Variants in DLG2 observed in about 807,000 individuals in gnomAD.
DLG2 encodes discs large MAGUK scaffold protein 2.
In DLG2, 45 loss-of-function variants were observed where a neutral mutation model predicts 132.5. The ratio of observed to expected loss-of-function variants is 0.34; its 90% CI spans 0.27 to 0.44. DLG2 has a LOEUF of 0.44. Ranked by LOEUF, DLG2 falls within the 20% of genes least tolerant of loss-of-function variation. DLG2 has a pLI of 1.00. For synonymous variants in DLG2, 424 were observed against 419.6 expected (o/e 1.01, Z -0.13); for missense variants, 1,045 against 1,196.9 (o/e 0.87, Z 1.87).
At chr11:84,807,081 A>C (rs1272173763) in intron 6 of DLG2, among the ~76,000 whole-genome samples, 2 of 152,182 alleles carry the variant, frequency 1.3e-5, no homozygotes, top group East Asian at 3.8e-4. Context: ...AAAATTGTTC[A>C]AGTAACCCAC....
At chr11:83,667,782 A>C (rs2075911670) in intron 18 of DLG2, among the ~76,000 whole-genome samples, 1 of 151,970 alleles carries the variant, frequency 6.6e-6, no homozygotes, top group African/African-American at 2.4e-5. Context: ...GATTGAGACC[A>C]TCCTAGCTAA....
At chr11:85,084,393 G>T (rs1593880576) in intron 6 of DLG2, among the ~76,000 whole-genome samples, 1 of 152,236 alleles carries the variant, frequency 6.6e-6, no homozygotes, top group East Asian at 1.9e-4. Context: ...TTCTTTTCTG[G>T]TTTCTTTTAC....
intron 6 of DLG2, among the ~76,000 whole-genome samples, chr11:84,934,377 A>G (rs1484082173): frequency 6.6e-6 from 1 of 151,848 alleles, no homozygotes; most frequent in Non-Finnish European, 1.5e-5. Context: ...TCAGAATGAT[A>G]CGGGCCTCAC....
At chr11:85,234,816 C>T (rs753195317) in intron 4 of DLG2, among the ~76,000 whole-genome samples, 1 of 151,876 alleles carries the variant, frequency 6.6e-6, no homozygotes, top group Admixed American at 6.6e-5. Context: ...GATAAAATAA[C>T]CTTTTTTATT....
At chr11:85,423,534 G>A (rs775191546) in intron 3 of DLG2, among the ~76,000 whole-genome samples, 2 of 152,160 alleles carry the variant, frequency 1.3e-5, no homozygotes, top group Non-Finnish European at 2.9e-5. Flanking sequence ...GGGTGGGTAG[G>A]GAAGAACCAC....
At chr11:85,512,429 T>C (rs2094094111) in intron 3 of DLG2, among the ~76,000 whole-genome samples, 1 of 152,134 alleles carries the variant, frequency 6.6e-6, no homozygotes, top group South Asian at 2.1e-4. Context: ...TATTTGACTA[T>C]CTTCATCAAA....
rs145582861 is a variant in DLG2, at chr11:85,607,003, C to T, written c.-92-8215G>A. 6.0e-3 allele frequency among the ~76,000 whole-genome samples: 910 copies of T among 152,272 alleles called. 10 individuals are homozygous for T. Among genetic ancestry groups the T allele is most frequent in the African/African-American group, 0.02 (849 of 41,548 alleles). On this transcript the variant is annotated intron_variant, in intron 2 of 27. Transcript: ENST00000376104. ...AGCTTCATTCTTGAAGTCAGAGAGACAAAGAACCCACCAATTCTGGACACA... is the reference window on the plus strand; with the variant it reads ...AGCTTCATTCTTGAAGTCAGAGAGATAAAGAACCCACCAATTCTGGACACA...
chr11:83,638,331 C>T (rs926375382), intron 18 of DLG2, among the ~76,000 whole-genome samples: 4 of 152,092 alleles, frequency 2.6e-5, no homozygotes, highest in Non-Finnish European at 5.9e-5. Context: ...AGTCAAAATC[C>T]TGGTTGTGCC....
chr11:84,448,211 T>C (rs891633368), intron 7 of DLG2, among the ~76,000 whole-genome samples: 7 of 152,228 alleles, frequency 4.6e-5, no homozygotes, highest in Middle Eastern at 6.8e-3. Context: ...CCTGGTATTC[T>C]AGCTATCTCA....
At chr11:84,003,609 G>T (rs953910039) in intron 11 of DLG2, among the ~76,000 whole-genome samples, 11 of 152,182 alleles carry the variant, frequency 7.2e-5, no homozygotes, top group Middle Eastern at 3.4e-3. Flanking sequence ...AAAACCATCA[G>T]ATCTCATGAG....
At chr11:83,830,082 A>C (rs2054042456) in intron 17 of DLG2, among the ~76,000 whole-genome samples, 1 of 152,204 alleles carries the variant, frequency 6.6e-6, no homozygotes, top group South Asian at 2.1e-4. Context: ...GGTGAAATAC[A>C]TTTTGATATA....
chr11:83,919,974 C>A (rs765945722), intron 15 of DLG2, among the ~76,000 whole-genome samples: 39 of 152,148 alleles, frequency 2.6e-4, no homozygotes, highest in Non-Finnish European at 4.0e-4. Context: ...TTATGTTAGG[C>A]AGGTTGCTCA....
intron 7 of DLG2, among the ~76,000 whole-genome samples, chr11:84,324,633 T>C (rs1300009945): frequency 2.0e-5 from 3 of 152,174 alleles, no homozygotes; most frequent in Admixed American, 6.5e-5. Context: ...TTGAGTAATA[T>C]GGACATTTTA....
intron 6 of DLG2, among the ~76,000 whole-genome samples, chr11:84,994,147 A>T (rs1317691296): frequency 6.6e-6 from 1 of 152,170 alleles, no homozygotes; most frequent in African/African-American, 2.4e-5. Context: ...AACATTTGGG[A>T]TTGGTTTGGG....
intron 6 of DLG2, among the ~76,000 whole-genome samples, chr11:84,779,778 G>A (rs1431989372): frequency 1.3e-5 from 2 of 151,958 alleles, no homozygotes; most frequent in Non-Finnish European, 1.5e-5. Context: ...AAAACTTAGA[G>A]GAAATGGATA....
chr11:84,392,461 G>T (rs1376391543), intron 7 of DLG2, among the ~76,000 whole-genome samples: 1 of 152,130 alleles, frequency 6.6e-6, no homozygotes, highest in Non-Finnish European at 1.5e-5. Flanking sequence ...AGAGGTGTAG[G>T]TTAGTATTTG....
chr11:84,093,790 T>G (rs980632784), intron 10 of DLG2, among the ~76,000 whole-genome samples: 2 of 151,796 alleles, frequency 1.3e-5, no homozygotes, highest in Admixed American at 1.3e-4. Flanking sequence ...AATTTTTGTA[T>G]TTTTAGTAGA....
intron 3 of DLG2, among the ~76,000 whole-genome samples, chr11:85,303,740 C>G (rs2079759309): frequency 6.6e-6 from 1 of 152,170 alleles, no homozygotes; most frequent in Non-Finnish European, 1.5e-5. Context: ...CATTAACTAG[C>G]TATCTGGCCT....
chr11:84,124,641 C>G (rs1040523542), intron 9 of DLG2, among the ~76,000 whole-genome samples: 2 of 152,090 alleles, frequency 1.3e-5, no homozygotes, highest in East Asian at 1.9e-4. Context: ...AGCAGTCCCA[C>G]ACGGTACATG....
Sources: gnomAD v4.1 joint callset for allele counts (sites outside exome capture counted in the v4.1 genomes callset) on GRCh38, gnomAD v4.1.1 for gene constraint, MANE v1.5 for transcripts, NCBI Gene and HGNC (gene_info 2026-07-23, HGNC 2026-07-21) for gene names.